MECR: variants seen among roughly 807,000 people sequenced by gnomAD.
The protein encoded by MECR is enoyl-[acyl-carrier-protein] reductase, mitochondrial.
MECR carries 37 observed loss-of-function variants against 49.1 expected under a neutral mutation model. That is an observed-to-expected ratio of 0.75 (90% confidence interval 0.58 to 0.99). MECR has a LOEUF of 0.99. MECR is among the 50% of genes least tolerant of loss of function. The pLI, the probability that MECR is intolerant of heterozygous loss-of-function variation, is 0.00. For missense variants in MECR, 470 were observed against 479.6 expected, an observed-to-expected ratio of 0.98 and a Z score of 0.19; for synonymous variants, 198 against 191.1, an observed-to-expected ratio of 1.04 and a Z score of -0.30.
At chr1:29,202,155 C>T in intron 5 of MECR, 110 bp from the exon 6 acceptor site, 3 of 948,588 alleles carry the variant, frequency 3.2e-6, no homozygotes, top group Non-Finnish European at 3.3e-6. Context: ...TTGCAGGAAG[C>T]TGGGATTAGG....
chr1:29,211,292 C>T (rs147708000), intron 3 of MECR, among the ~76,000 whole-genome samples: 78 of 152,312 alleles, frequency 5.1e-4, no homozygotes, highest in Non-Finnish European at 9.6e-4. Context: ...CATTCTTGAA[C>T]TCTTGGACTC....
At chr1:29,171,802 G>A in the MECR span, 6 of 151,992 alleles carry the variant, frequency 3.9e-5, no homozygotes, top group Non-Finnish European at 7.4e-5. Flanking sequence ...TTTTAAGAAG[G>A]GACAAATACT....
At position 29,208,151 on chromosome 1, in the gene MECR, C is replaced by A. The variant is rs550233499; in HGVS notation, c.407-1246G>T. ...GGGATTACAGGCACCTGCCACCACG[C>A]CCGGCTAATTTTTGTATTTTTAGTA... On this transcript the variant is annotated intron_variant, in intron 3 of 9. Coordinates refer to ENST00000263702, the MANE Select transcript of MECR (RefSeq NM_016011.5). 2.2e-4 allele frequency among the ~76,000 whole-genome samples: 34 copies of A among 152,302 alleles called. No homozygotes were observed. The East Asian group carries it at 6.2e-3, about 28-fold the overall frequency.
chr1:29,184,282 C>G, the MECR span, among the ~76,000 whole-genome samples: 1 of 148,528 alleles, frequency 6.7e-6, no homozygotes. Context: ...TCAAGCAATT[C>G]TCCTGCCTCA....
In MECR at chr1:29,201,852, T is replaced by C. The variant is rs1460515223; in HGVS notation, c.756+91A>G. Reference sequence around the variant, plus strand: ...AAGGGAGGTTTCCAGAGAGGAACAATGGGGCCAGTCCCCAGTTTCTCTAAT... The same window carrying C: ...AAGGGAGGTTTCCAGAGAGGAACAACGGGGCCAGTCCCCAGTTTCTCTAAT... On this transcript the variant is annotated intron_variant, in intron 6 of 9. Coordinates refer to ENST00000263702, the MANE Select transcript of MECR (RefSeq NM_016011.5). The surrounding 1 kb of genome is among the most constrained non-coding windows in gnomAD (Gnocchi z 4.3). 1.8e-5 allele frequency: 20 copies of C among 1,119,480 alleles called. No homozygotes were observed. The highest frequency in any genetic ancestry group is 3.1e-5 in the African/African-American group (2 of 64,690). 69.3% of individuals were successfully genotyped at this position (1,119,480 alleles called of 1,614,324 possible).
the MECR span, chr1:29,169,141 C>T: frequency 3.9e-5 from 6 of 152,212 alleles, no homozygotes; most frequent in African/African-American, 1.4e-4. Flanking sequence ...GCTTTACACA[C>T]ATTATATCCA....
At chr1:29,184,473 G>T in the MECR span, among the ~76,000 whole-genome samples, 1 of 152,178 alleles carries the variant, frequency 6.6e-6, no homozygotes, top group Admixed American at 6.5e-5. Context: ...ATAATTAGTG[G>T]CTGGGTGCGG....
At chr1:29,229,407 G>A (rs1200951399) in intron 1 of MECR, among the ~76,000 whole-genome samples, 3 of 152,110 alleles carry the variant, frequency 2.0e-5, no homozygotes, top group East Asian at 3.9e-4. Flanking sequence ...GTTTCGCCAC[G>A]TTGGCCAGGC....
At chr1:29,173,974 A>G in the MECR span, among the ~76,000 whole-genome samples, 1 of 151,712 alleles carries the variant, frequency 6.6e-6, no homozygotes, top group Non-Finnish European at 1.5e-5. Flanking sequence ...GGATCACCTG[A>G]GGTCAGGAGT....
At chr1:29,203,272 A>G in intron 4 of MECR, 39 bp from the exon 5 acceptor site, 1 of 1,490,252 alleles carries the variant, frequency 6.7e-7, no homozygotes, top group East Asian at 2.4e-5. Flanking sequence ...AGCCCTGTAT[A>G]GATCTGCAAT....
chr1:29,201,684 G>A lies in MECR; in HGVS notation c.756+259C>T, dbSNP rs574223716. ...AAGAGTCACACATGTGGGCTGATGC[G>A]GCCCACCACAAACGTTTAAACTGCA... is the stretch of plus-strand genomic sequence containing the variant. On this transcript the variant is annotated intron_variant, in intron 6 of 9. Coordinates refer to ENST00000263702, the MANE Select transcript of MECR (RefSeq NM_016011.5). This position sits in a 1 kb window ranked among gnomAD's most constrained non-coding sequence, Gnocchi z 4.3. Among the ~76,000 whole-genome samples the A allele has an allele frequency of 7.9e-5, 12 of 152,206 alleles. No homozygotes were observed. The South Asian group carries it at 1.0e-3, about 13-fold the overall frequency.
At chr1:29,204,456 CT>C (rs35838686) in intron 4 of MECR, among the ~76,000 whole-genome samples, 449 of 148,412 alleles carry the variant, frequency 3.0e-3, no homozygotes, top group Admixed American at 5.0e-3. Context: ...TTGCAAGCAC[CT>C]TTTTTTTTTA....
the MECR span, among the ~76,000 whole-genome samples, chr1:29,184,943 A>G: frequency 1.3e-5 from 2 of 152,110 alleles, no homozygotes; most frequent in South Asian, 4.1e-4. Flanking sequence ...TGGCCAACAT[A>G]GTGAAACCCT....
chr1:29,196,549 G>A (rs769679668), intron 7 of MECR, among the ~76,000 whole-genome samples: 7 of 152,066 alleles, frequency 4.6e-5, no homozygotes, highest in Non-Finnish European at 1.0e-4. Context: ...AATTAGCTGG[G>A]CAAGGCGGCA....
At chr1:29,216,844 A>G (rs1369953337) in intron 1 of MECR, 159 bp from the exon 2 acceptor site, 65 of 1,451,490 alleles carry the variant, frequency 4.5e-5, no homozygotes, top group Non-Finnish European at 5.7e-5. Flanking sequence ...ATAAGAAATC[A>G]ACACAGGAGG....
chr1:29,179,042 C>T, the MECR span, among the ~76,000 whole-genome samples: 1 of 152,108 alleles, frequency 6.6e-6, no homozygotes, highest in East Asian at 1.9e-4. Context: ...ATGAACAGTT[C>T]CTTAAAAAAA....
rs13375564 is a variant in MECR at position 29,224,443 on chromosome 1, A to T, written c.176+6288T>A. The stretch of plus-strand genomic sequence containing the variant: ...AACAACCATTGGTGAGCAGGCAGTC[A>T]ATGCCTGTGTTACTTTCCTAGAATT... On this transcript the variant is annotated intron_variant, in intron 1 of 9. Transcript: ENST00000263702. The T allele has an allele frequency of 2.1e-3, 319 of 152,314 alleles. 2 individuals are homozygous for T. Among genetic ancestry groups the T allele is most frequent in the African/African-American group, 6.5e-3 (270 of 41,570 alleles). The allele number at this position is 152,314 out of a possible 1,614,324, so 9.4% of individuals were successfully genotyped here. A position where few individuals can be genotyped will look rare whatever the true frequency, so the allele number is the denominator to read the frequency against.
chr1:29,187,767 T>TG (rs1673058074), downstream of MECR, among the ~76,000 whole-genome samples: 1 of 149,260 alleles, frequency 6.7e-6, no homozygotes, highest in South Asian at 2.2e-4. Context: ...CCAGGCGAGG[T>TG]GGCTCACGCC....
intron 9 of MECR, 86 bp downstream of exon 9, chr1:29,195,855 C>T: frequency 7.2e-7 from 1 of 1,386,810 alleles, no homozygotes; most frequent in Non-Finnish European, 1.0e-6. Flanking sequence ...ATCACCCCTC[C>T]AGGGCTCAGA....
Sources: allele counts gnomAD v4.1 joint callset (sites outside exome capture counted in the v4.1 genomes callset), GRCh38; gene constraint gnomAD v4.1.1; non-coding constraint Gnocchi (gnomAD v3.1); transcripts MANE v1.5; gene names NCBI Gene and HGNC (gene_info 2026-07-23, HGNC 2026-07-21).